Variants in PIGR observed in about 807,000 individuals in gnomAD.
PIGR encodes hepatocellular carcinoma associated protein TB6.
In PIGR, 22 loss-of-function variants were observed where a neutral mutation model predicts 69.5. That is an observed-to-expected ratio of 0.32 (90% CI 0.23 to 0.45). The LOEUF (loss-of-function observed/expected upper bound fraction) is 0.45. Ranked by LOEUF, PIGR falls within the 20% of genes least tolerant of loss-of-function variation. The pLI, the probability that PIGR is intolerant of heterozygous loss-of-function variation, is 1.00. For synonymous variants in PIGR, 413 were observed against 407.6 expected (o/e 1.01, Z -0.16); for missense variants, 885 against 974.0 (o/e 0.91, Z 1.22).
chr1:206,942,409 G>A (rs1192209445), intron 1 of PIGR, among the ~76,000 whole-genome samples: 2 of 152,170 alleles, frequency 1.3e-5, no homozygotes, highest in African/African-American at 4.8e-5. Flanking sequence ...AAACAGTTGG[G>A]ATGGGCTGGC....
Position 206,931,672 on chromosome 1 carries a change from T to G in PIGR, c.2139A>C (p.Glu713Asp). 1 of 1,614,188 alleles carries G rather than the reference T, an allele frequency of 6.2e-7. No homozygotes were observed. The highest frequency in any genetic ancestry group is 1.1e-5 in the South Asian group (1 of 91,080). Residue 713 changes from glutamate to aspartate, a missense_variant and splice_region_variant, in exon 9 of 11, where the codon GAA becomes GAC. Transcript: ENST00000356495. ...ITQETSLGGK[E>D]EFVATTESTT... ...CATTCCCTTGAGTGAGGGTCATACC[T>G]TCTTTTCCTCCGAGGGATGTCTCCT...
In PIGR at chr1:206,930,424, A is replaced by G; in HGVS notation, c.2200-11T>C. The G allele has an allele frequency of 6.2e-7, 1 of 1,612,198 alleles. No individual in the cohort carries two copies. Among genetic ancestry groups the G allele is most frequent in the Non-Finnish European group, 8.5e-7 (1 of 1,179,128 alleles). ...TTCCTCCTTGGATGACTAAGGGGCA[A>G]GAGGAGAGGCATCAGTGTTGGGGGC... is the stretch of plus-strand genomic sequence containing the variant. On this transcript the variant is annotated splice_polypyrimidine_tract_variant and intron_variant, in intron 10 of 10. Coordinates refer to ENST00000356495, the MANE Select transcript of PIGR (RefSeq NM_002644.4). This position sits in a 1 kb window ranked among gnomAD's most constrained non-coding sequence, Gnocchi z 4.3.
At position 206,931,807 on chromosome 1, in the gene PIGR, C is replaced by G. The variant is rs375931535; in HGVS notation, c.2009-5G>C. 34 of 1,613,898 alleles carry G rather than the reference C, an allele frequency of 2.1e-5. No homozygotes were observed. Among genetic ancestry groups the G allele is most frequent in the Admixed American group, 3.3e-5 (2 of 59,992 alleles). ...AGCTTCTGATTGAAACTCGGTCTGT[C>G]CGGGAGGAAGAGGAGTTGGTGTAAG... On this transcript the variant is annotated splice_polypyrimidine_tract_variant and splice_region_variant and intron_variant, in intron 8 of 10. Coordinates refer to ENST00000356495, the MANE Select transcript of PIGR (RefSeq NM_002644.4).
In PIGR at chr1:206,937,635, TCTG is replaced by T. The variant is rs1558014215; in HGVS notation, c.502_504del (p.Gln168del). On this transcript the variant is annotated inframe_deletion, in exon 4 of 11. Transcript: ENST00000356495. ...ATGACCAGCACAGGGTACAGGCCTA[TCTG>T]CTTGTACAAGGACTTCCTCTTTTGA... 6.2e-7 allele frequency: 1 copy of T among 1,613,878 alleles called. No individual in the cohort carries two copies. Among genetic ancestry groups the T allele is most frequent in the Non-Finnish European group, 8.5e-7 (1 of 1,179,888 alleles).
At chr1:206,936,466 C>T (rs1679864466) in intron 4 of PIGR, among the ~76,000 whole-genome samples, 1 of 152,068 alleles carries the variant, frequency 6.6e-6, no homozygotes, top group Non-Finnish European at 1.5e-5. Flanking sequence ...AGCACAGATA[C>T]TTGGAACTGC....
chr1:206,933,072 C>A lies in PIGR; in HGVS notation c.1800G>T (p.Gln600His), dbSNP rs867607646. Reference protein sequence around the residue: ...GFREIENKAIQDPRLFAEEKA... With the variant: ...GFREIENKAIHDPRLFAEEKA... Reference sequence around the variant, plus strand: ...TTTCCTCTGCAAAAAGCCTGGGATCCTGAATGGCTTTGTTCTCAATCTCCC... The same window carrying A: ...TTTCCTCTGCAAAAAGCCTGGGATCATGAATGGCTTTGTTCTCAATCTCCC... The change falls in exon 7 of 11, where the codon CAG (glutamine) becomes CAT (histidine). Residue 600 changes from glutamine to histidine, a missense_variant. By Grantham distance (24) the Gln-to-His change is conservative. Coordinates refer to ENST00000356495, the MANE Select transcript of PIGR (RefSeq NM_002644.4). 6.2e-7 allele frequency: 1 copy of A among 1,614,178 alleles called. No homozygotes were observed. Among genetic ancestry groups the A allele is most frequent in the Admixed American group, 1.7e-5 (1 of 60,028 alleles).
At chr1:206,932,335 C>T (rs766666100) in intron 8 of PIGR, 121 bp downstream of exon 8, 8 of 1,203,934 alleles carry the variant, frequency 6.6e-6, no homozygotes, top group Non-Finnish European at 8.0e-6. Context: ...CCTGCTTTCT[C>T]GGGATCCTTT....
chr1:206,939,186 G>T lies in PIGR; in HGVS notation c.321C>A (p.Arg107=). 6.2e-7 allele frequency: 1 copy of T among 1,614,186 alleles called. No homozygotes were observed. Among genetic ancestry groups the T allele is most frequent in the Non-Finnish European group, 8.5e-7 (1 of 1,180,030 alleles). The change falls in exon 3 of 11, where the codon CGC becomes CGA. Residue 107 remains arginine (R), a synonymous_variant. Coordinates refer to ENST00000356495, the MANE Select transcript of PIGR (RefSeq NM_002644.4). ...IAQLSQDDSG[R]YKCGLGINSR... ...TATTGATGCCCAGGCCACACTTGTA[G>T]CGCCCGGAGTCATCCTGGCTCAGCT... is the stretch of plus-strand genomic sequence containing the variant.
At chr1:206,932,037 A>G (rs1679764084) in intron 8 of PIGR, among the ~76,000 whole-genome samples, 1 of 152,158 alleles carries the variant, frequency 6.6e-6, no homozygotes, top group East Asian at 1.9e-4. Context: ...CTTTCAATGC[A>G]CAGCATCTCC....
intron 1 of PIGR, among the ~76,000 whole-genome samples, chr1:206,945,318 G>T (rs1572650486): frequency 6.6e-6 from 1 of 152,292 alleles, no homozygotes; most frequent in South Asian, 2.1e-4. Flanking sequence ...AGCTTCAATG[G>T]CCCCAGGCAC....
chr1:206,934,281 C>T, intron 6 of PIGR, 139 bp downstream of exon 6: 2 of 680,478 alleles, frequency 2.9e-6, no homozygotes, highest in Non-Finnish European at 4.9e-6. Context: ...TAAATGTCCC[C>T]TCCCTTCCCA....
rs1241360995 is a variant in PIGR, at chr1:206,935,590, G to A, written c.1274C>T (p.Thr425Ile). 10 of 1,614,124 alleles carry A rather than the reference G, an allele frequency of 6.2e-6. No homozygotes were observed. The Admixed American group carries it at 1.7e-4, about 27-fold the overall frequency. The change falls in exon 5 of 11, where the codon ACT becomes ATT. Residue 425 changes from threonine (T) to isoleucine (I), a missense_variant. By Grantham distance (89) the Thr-to-Ile change is moderately conservative (BLOSUM62 -1). Transcript: ENST00000356495. This position sits in a 1 kb window ranked among gnomAD's most constrained non-coding sequence, Gnocchi z 4.4. ...GCTGGTGAGCTGGTTGAGGATGACA[G>A]TGAAGGTGCCGTTGCCTGGCTCCTC... ...LLEEPGNGTFTVILNQLTSRD... is the reference protein window; with the variant it reads ...LLEEPGNGTFIVILNQLTSRD...
chr1:206,932,360 A>G, intron 8 of PIGR, 96 bp downstream of exon 8: 1 of 1,379,276 alleles, frequency 7.3e-7, no homozygotes. Context: ...TAGCTCATGA[A>G]AAAGAAGAGA....
intron 1 of PIGR, among the ~76,000 whole-genome samples, chr1:206,941,884 G>C (rs1322216240): frequency 1.3e-5 from 2 of 152,190 alleles, no homozygotes; most frequent in Non-Finnish European, 2.9e-5. Flanking sequence ...TTAAATGATC[G>C]TAAGTTTGGG....
chr1:206,945,078 A>G (rs1257201915), intron 1 of PIGR, among the ~76,000 whole-genome samples: 1 of 152,112 alleles, frequency 6.6e-6, no homozygotes, highest in Non-Finnish European at 1.5e-5. Flanking sequence ...ATAAGCAGAG[A>G]GAGTTGCTTT....
rs1039663149 is a variant in PIGR, at chr1:206,934,401, C to A, written c.1705+19G>T. The A allele has an allele frequency of 6.2e-7, 1 of 1,605,152 alleles. No homozygotes were observed. Among genetic ancestry groups the A allele is most frequent in the African/African-American group, 1.3e-5 (1 of 74,772 alleles). On this transcript the variant is annotated intron_variant, in intron 6 of 10. Transcript: ENST00000356495. ...GCCTCTGGGTCTGAGGGGTGCAGGC[C>A]CTGTCCTTGGAGACTCACCCGCTGC...
Position 206,940,558 on chromosome 1 carries a change from A to G in PIGR, c.-27T>C, listed in dbSNP as rs1432077535. ...GCTGGTGGGTCCCGAGCGCCGCACC[A>G]CTCAGGCCGACTTCTCCTGTGCAAT... On this transcript the variant is annotated 5_prime_UTR_variant, in exon 2 of 11. Coordinates refer to ENST00000356495, the MANE Select transcript of PIGR (RefSeq NM_002644.4). The G allele has an allele frequency of 1.3e-6, 2 of 1,546,812 alleles. No homozygotes were observed. The highest frequency in any genetic ancestry group is 2.0e-5 in the Admixed American group (1 of 49,922).
rs558590316 is a variant in PIGR at position 206,942,215 on chromosome 1, A to C, written c.-53-1631T>G. 4.6e-5 allele frequency among the ~76,000 whole-genome samples: 7 copies of C among 152,372 alleles called. No homozygotes were observed. The South Asian group carries it at 1.4e-3, about 32-fold the overall frequency. On this transcript the variant is annotated intron_variant, in intron 1 of 10. Transcript: ENST00000356495. ...TCTCTTGAGTCCGGTTAATTGCCCCAGACCTTTCTTACCAGGTCAATGATT... is the reference window on the plus strand; with the variant it reads ...TCTCTTGAGTCCGGTTAATTGCCCCCGACCTTTCTTACCAGGTCAATGATT...
At chr1:206,941,305 G>T (rs1361486211) in intron 1 of PIGR, among the ~76,000 whole-genome samples, 2 of 152,094 alleles carry the variant, frequency 1.3e-5, no homozygotes, top group Non-Finnish European at 2.9e-5. Flanking sequence ...GAAGATTTGG[G>T]CCCACCTTTG....
Sources: gnomAD v4.1 joint callset for allele counts (sites outside exome capture counted in the v4.1 genomes callset) on GRCh38, gnomAD v4.1.1 for gene constraint, Gnocchi (gnomAD v3.1) non-coding constraint, MANE v1.5 for transcripts, NCBI Gene and HGNC (gene_info 2026-07-23, HGNC 2026-07-21) for gene names.